Variants in CAST observed in about 807,000 individuals in gnomAD.
The protein encoded by CAST is MIR583 host.
A neutral mutation model predicts 119.6 loss-of-function variants in CAST; 76 were observed. The observed-to-expected ratio is 0.64, with a 90% CI of 0.53 to 0.77. The LOEUF is 0.77. Among genes scored for constraint, CAST ranks in the 30% least tolerant of loss-of-function variants. CAST has a pLI of 0.00. For synonymous variants in CAST, 319 were observed against 331.6 expected (o/e 0.96, Z 0.41); for missense variants, 953 against 946.5 (o/e 1.01, Z -0.09).
rs138461857 is a variant in CAST at position 96,726,526 on chromosome 5, G to A, written c.271-268G>A. ...GATATTCATGTAGTCTTTACACAGG[G>A]AAAGGAAAGGAATGAGAAATTAATT... On this transcript the variant is annotated intron_variant, in intron 4 of 31. Coordinates refer to ENST00000675179, the MANE Select transcript of CAST (RefSeq NM_001750.7). 7.3e-3 allele frequency among the ~76,000 whole-genome samples: 1,116 copies of A among 152,220 alleles called. 4 individuals are homozygous for A. Among genetic ancestry groups the A allele is most frequent in the Non-Finnish European group, 0.011 (759 of 68,002 alleles).
At chr5:96,750,725 T>C (rs1222605899) in intron 20 of CAST, 43 bp downstream of exon 20, 1 of 1,135,028 alleles carries the variant, frequency 8.8e-7, no homozygotes. Flanking sequence ...TTGAGAAAGT[T>C]TTCTGCCTCC....
chr5:96,197,540 A>G, the CAST span, among the ~76,000 whole-genome samples: 1 of 152,208 alleles, frequency 6.6e-6, no homozygotes, highest in South Asian at 2.1e-4. Flanking sequence ...GGGGCTGGAC[A>G]GATTTTCAAC....
At chr5:96,588,098 G>A (rs1434512432) in intron 1 of CAST, among the ~76,000 whole-genome samples, 1 of 151,524 alleles carries the variant, frequency 6.6e-6, no homozygotes, top group East Asian at 1.9e-4. Context: ...ATAGTTTCTA[G>A]GGTGTTATTA....
At chr5:96,215,281 ATACT>A in the CAST span, 5 of 152,166 alleles carry the variant, frequency 3.3e-5, no homozygotes, top group African/African-American at 1.2e-4. Flanking sequence ...ATAACTACTG[ATACT>A]TACTGTATTA....
the CAST span, among the ~76,000 whole-genome samples, chr5:96,122,108 C>T: frequency 2.4e-4 from 36 of 152,182 alleles, no homozygotes; most frequent in African/African-American, 7.9e-4. Flanking sequence ...AGAACTACTT[C>T]TATGATTATA....
In CAST at chr5:96,771,713, T is replaced by C. The variant is rs2150809335; in HGVS notation, c.*23+11T>C. The C allele has an allele frequency of 6.4e-7, 1 of 1,565,318 alleles. No individual in the cohort carries two copies. The highest frequency in any genetic ancestry group is 2.2e-5 in the East Asian group (1 of 44,606). ...AAGTTAAGGTATCTGGTAAGTTGGG[T>C]GTTTATTTGTAAATGAAGACAACTG... On this transcript the variant is annotated intron_variant, in intron 31 of 31. Transcript: ENST00000675179.
the CAST span, among the ~76,000 whole-genome samples, chr5:95,989,518 T>C: frequency 6.6e-6 from 1 of 152,208 alleles, no homozygotes; most frequent in African/African-American, 2.4e-5. Flanking sequence ...GTTTGAACAC[T>C]GCTAATTGCT....
chr5:96,476,961 G>T, the CAST span, among the ~76,000 whole-genome samples: 2 of 148,052 alleles, frequency 1.4e-5, no homozygotes, highest in South Asian at 4.3e-4. Flanking sequence ...GCTATTATCA[G>T]AGCCCTTTTA....
chr5:96,612,656 C>A (rs1050661590), intron 1 of CAST, among the ~76,000 whole-genome samples: 1 of 152,152 alleles, frequency 6.6e-6, no homozygotes, highest in Non-Finnish European at 1.5e-5. Flanking sequence ...TTAATCTAAT[C>A]AAATATATCA....
the CAST span, among the ~76,000 whole-genome samples, chr5:96,037,199 C>T: frequency 2.0e-5 from 3 of 152,104 alleles, no homozygotes; most frequent in Admixed American, 1.3e-4. Flanking sequence ...CTGTGTTCCC[C>T]AATCCCATGT....
chr5:96,421,729 G>A, the CAST span: 5 of 659,238 alleles, frequency 7.6e-6, no homozygotes, highest in Non-Finnish European at 1.1e-5. Flanking sequence ...TTTGGTTTCT[G>A]TTTTAAAAGC....
chr5:96,076,387 T>C, the CAST span, among the ~76,000 whole-genome samples: 1 of 152,034 alleles, frequency 6.6e-6, no homozygotes, highest in Admixed American at 6.6e-5. Context: ...CAAAAGCAAA[T>C]ATCGAAAAGG....
the CAST span, among the ~76,000 whole-genome samples, chr5:96,069,355 A>ATGTG: frequency 0.022 from 3,055 of 141,676 alleles, 70 homozygotes; most frequent in Admixed American, 0.07. Flanking sequence ...GTGTGTATGT[A>ATGTG]TGTGTGTGTG....
chr5:96,628,242 A>T (rs1274254790), intron 1 of CAST, among the ~76,000 whole-genome samples: 1 of 152,242 alleles, frequency 6.6e-6, no homozygotes, highest in South Asian at 2.1e-4. Flanking sequence ...GTTAATAAAT[A>T]TATAACTTTA....
intron 1 of CAST, among the ~76,000 whole-genome samples, chr5:96,602,144 G>A (rs1010335238): frequency 3.9e-5 from 6 of 152,202 alleles, no homozygotes; most frequent in African/African-American, 1.4e-4. Flanking sequence ...TCAAAGGAGT[G>A]CTCTGACTCA....
chr5:96,435,488 C>T, the CAST span, among the ~76,000 whole-genome samples: 1 of 152,192 alleles, frequency 6.6e-6, no homozygotes, highest in African/African-American at 2.4e-5. Context: ...ACTAGAGGTG[C>T]AAGTAGATTT....
At chr5:96,311,394 T>C in the CAST span, among the ~76,000 whole-genome samples, 1 of 152,086 alleles carries the variant, frequency 6.6e-6, no homozygotes, top group African/African-American at 2.4e-5. Context: ...TGTATTCTGT[T>C]GCTGTTGGAT....
chr5:96,599,828 C>T (rs1482425410), intron 1 of CAST, among the ~76,000 whole-genome samples: 2 of 152,078 alleles, frequency 1.3e-5, no homozygotes, highest in Admixed American at 1.3e-4. Flanking sequence ...ACCCACAACC[C>T]ATACACTTTT....
chr5:96,702,654 T>C (rs1754062411), intron 3 of CAST: 1 of 470,328 alleles, frequency 2.1e-6, no homozygotes, highest in South Asian at 8.9e-5. Flanking sequence ...CGTTATTGAG[T>C]GAGCCAGTCT....
Sources: allele counts gnomAD v4.1 joint callset (sites outside exome capture counted in the v4.1 genomes callset), GRCh38; gene constraint gnomAD v4.1.1; transcripts MANE v1.5; gene names NCBI Gene and HGNC (gene_info 2026-07-23, HGNC 2026-07-21).